The following EVPL variants were observed in gnomAD, a reference collection of about 807,000 sequenced individuals.
The protein encoded by EVPL is 210 kDa cornified envelope precursor protein.
EVPL carries 94 observed loss-of-function variants against 129.7 expected under a neutral mutation model. The observed-to-expected ratio is 0.72, with a 90% CI of 0.61 to 0.86. The LOEUF (loss-of-function observed/expected upper bound fraction) is 0.86, where lower values mean the gene tolerates loss of function less well. Among genes scored for constraint, EVPL ranks in the 40% least tolerant of loss-of-function variants. The pLI is 0.00. For synonymous variants in EVPL, 1,172 were observed against 1,191.1 expected, an observed-to-expected ratio of 0.98 and a Z score of 0.33; for missense variants, 2,625 against 2,721.1, an observed-to-expected ratio of 0.96 and a Z score of 0.79.
Position 76,023,599 on chromosome 17 carries a change from C to T in EVPL, c.254G>A (p.Arg85His), listed in dbSNP as rs78044548. Residue 85 changes from arginine to histidine, a missense_variant, in exon 3 of 22, where the codon CGC becomes CAC. By Grantham distance (29) the Arg-to-His change is conservative. This residue lies in a region of EVPL where 139 missense variants were observed against 186.8 expected (regional missense o/e 0.74). Coordinates refer to ENST00000301607, the MANE Select transcript of EVPL (RefSeq NM_001988.4). ...QALQHQQETGRSLKEAEVLLK... is the reference protein window; with the variant it reads ...QALQHQQETGHSLKEAEVLLK... The stretch of plus-strand genomic sequence containing the variant: ...CAGCACCTCAGCCTCCTTCAGGCTG[C>T]GGCCCGTCTCCTGCTGGTGCTGCAG... 0.061 allele frequency: 98,694 copies of T among 1,610,430 alleles called. 3,199 individuals are homozygous for T. The highest frequency in any genetic ancestry group is 0.067 in the Non-Finnish European group (78,740 of 1,178,950).
chr17:76,008,320 G>T lies in EVPL; in HGVS notation c.4885C>A (p.Gln1629Lys). The change falls in exon 22 of 22, where the codon CAG becomes AAG. Residue 1629 changes from glutamine to lysine, a missense_variant. Physicochemically the swap from Gln to Lys is moderately conservative, Grantham distance 53. Transcript: ENST00000301607. This position sits in a 1 kb window ranked among gnomAD's most constrained non-coding sequence, Gnocchi z 7.4. ...TCCTGGCCCCGCTGGGCCGCCTTCT[G>T]TCGCTCGCTCTCCGTCTTCTGGCTG... ...LLSQKTESER[Q>K]KAAQRGQELS... 6.2e-7 allele frequency: 1 copy of T among 1,607,612 alleles called. No homozygotes were observed.
chr17:76,009,396 A>T lies in EVPL; in HGVS notation c.3809T>A (p.Ile1270Asn), dbSNP rs753904773. The T allele has an allele frequency of 6.2e-7, 1 of 1,613,894 alleles. No individual in the cohort carries two copies. Among genetic ancestry groups the T allele is most frequent in the Admixed American group, 1.7e-5 (1 of 60,006 alleles). ...GTTGAGCTGAGCCTTCAGGCGGTCG[A>T]TCTCACGCAGCACCTCGGGGCTCCT... ...HERSPEVLRE[I>N]DRLKAQLNEL... is the part of the protein sequence containing the mutation. The change falls in exon 22 of 22, where the codon ATC (isoleucine) becomes AAC (asparagine). Residue 1270 changes from isoleucine to asparagine, a missense_variant. Transcript: ENST00000301607. The surrounding 1 kb of genome is among the most constrained non-coding windows in gnomAD (Gnocchi z 5.9).
At chr17:76,021,601 C>A (rs1200995872) in intron 8 of EVPL, 38 bp from the exon 9 acceptor site, 5 of 1,448,936 alleles carry the variant, frequency 3.5e-6, no homozygotes, top group Non-Finnish European at 3.6e-6. Flanking sequence ...ACCACGCCCC[C>A]CCCACGTCCG....
chr17:76,017,590 G>T, intron 14 of EVPL, 149 bp downstream of exon 14: 1 of 1,121,174 alleles, frequency 8.9e-7, no homozygotes, highest in Non-Finnish European at 1.2e-6. Flanking sequence ...GCCAGGAGGG[G>T]AACCAGCTTG....
rs1226337764 is a variant in EVPL, at chr17:76,009,885, T to C, written c.3320A>G (p.Lys1107Arg). The C allele has an allele frequency of 9.9e-6, 16 of 1,613,972 alleles. No homozygotes were observed. Among genetic ancestry groups the C allele is most frequent in the Non-Finnish European group, 1.4e-5 (16 of 1,180,028 alleles). The change falls in exon 22 of 22, where the codon AAG (lysine) becomes AGG (arginine). Residue 1107 changes from lysine (K) to arginine (R), a missense_variant. By Grantham distance (26) the Lys-to-Arg change is conservative. Transcript: ENST00000301607. The surrounding 1 kb of genome is among the most constrained non-coding windows in gnomAD (Gnocchi z 5.9). ...LQMEEDAARR[K>R]QAEEAVAKLQ... is the part of the protein sequence containing the mutation. ...CTTGGCCACAGCCTCCTCCGCCTGC[T>C]TCCTCCGCGCAGCATCCTCCTCCAT...
In EVPL at chr17:76,014,528, GTTC is replaced by G. The variant is rs774387295; in HGVS notation, c.2268_2270del (p.Lys756del). The G allele has an allele frequency of 3.2e-5, 51 of 1,612,074 alleles. No individual in the cohort carries two copies. Among genetic ancestry groups the G allele is most frequent in the Non-Finnish European group, 5.1e-6 (6 of 1,179,644 alleles). ...GCCAGGAGCTCAGGTTATCCTTGCAGTTCTTGAACTGCTGGTAGGTGAGGGCGG... is the reference window on the plus strand; with the variant it reads ...GCCAGGAGCTCAGGTTATCCTTGCAGTTGAACTGCTGGTAGGTGAGGGCGG... On this transcript the variant is annotated inframe_deletion, in exon 18 of 22. Coordinates refer to ENST00000301607, the MANE Select transcript of EVPL (RefSeq NM_001988.4).
chr17:76,023,406 C>G lies in EVPL; in HGVS notation c.366G>C (p.Leu122=), dbSNP rs768228452. The change falls in exon 4 of 22, where the codon CTG becomes CTC. Residue 122 remains leucine (L), a synonymous_variant. Coordinates refer to ENST00000301607, the MANE Select transcript of EVPL (RefSeq NM_001988.4). ...CACACTCCTGGGTCACCCGCTCGTG[C>G]AGCTGCTTGATGCTGTCAAGAAGGT... The part of the protein sequence containing the change: ...AEEIEKDIKQ[L]HERVTQECAE... 6.2e-7 allele frequency: 1 copy of G among 1,613,878 alleles called. No individual in the cohort carries two copies. Among genetic ancestry groups the G allele is most frequent in the South Asian group, 1.1e-5 (1 of 91,070 alleles).
In EVPL at chr17:76,007,325, G is replaced by A. The variant is rs373369065; in HGVS notation, c.5880C>T (p.Leu1960=). The A allele has an allele frequency of 5.1e-6, 8 of 1,563,708 alleles. No individual in the cohort carries two copies. The African/African-American group carries it at 1.1e-4, about 21-fold the overall frequency. The change falls in exon 22 of 22, where the codon CTC becomes CTT. Residue 1960 remains leucine, a synonymous_variant. Transcript: ENST00000301607. This position sits in a 1 kb window ranked among gnomAD's most constrained non-coding sequence, Gnocchi z 8.8. The part of the protein sequence containing the change: ...TGRIPIQQAL[L]SGMISEELAQ... ...CCAGCTCTTCACTGATCATCCCGGA[G>A]AGGAGGGCCTGCTGGATGGGGATGC...
Position 76,008,095 on chromosome 17 carries a change from TGTAGGCCTC to T in EVPL, c.5101_5109del (p.Glu1701_Tyr1703del). On this transcript the variant is annotated inframe_deletion, in exon 22 of 22. Coordinates refer to ENST00000301607, the MANE Select transcript of EVPL (RefSeq NM_001988.4). This position sits in a 1 kb window ranked among gnomAD's most constrained non-coding sequence, Gnocchi z 7.4. The stretch of plus-strand genomic sequence containing the variant: ...TGGCCCCTGTCGATGATGCCCCTCT[TGTAGGCCTC>T]GTATGGGGACATGTCCTTCCCCGTC... 1.9e-6 allele frequency: 3 copies of T among 1,614,034 alleles called. No individual in the cohort carries two copies. Among genetic ancestry groups the T allele is most frequent in the Non-Finnish European group, 2.5e-6 (3 of 1,179,994 alleles).
intron 1 of EVPL, among the ~76,000 whole-genome samples, chr17:76,025,232 G>A (rs543551329): frequency 1.6e-4 from 25 of 152,292 alleles, no homozygotes; most frequent in African/African-American, 5.3e-4. Flanking sequence ...CATCTGAAAC[G>A]TCCAGTGCAG....
intron 21 of EVPL, among the ~76,000 whole-genome samples, 157 bp from the exon 22 acceptor site, chr17:76,010,700 GA>G (rs1336956343): frequency 6.6e-6 from 1 of 152,114 alleles, no homozygotes; most frequent in African/African-American, 2.4e-5. Flanking sequence ...ATAGGATTTT[GA>G]GAAGACCCAG....
In EVPL at chr17:76,013,429, C is replaced by T. The variant is rs76792794; in HGVS notation, c.2373+997G>A. On this transcript the variant is annotated intron_variant, in intron 18 of 21. Transcript: ENST00000301607. This position sits in a 1 kb window ranked among gnomAD's most constrained non-coding sequence, Gnocchi z 4.3. ...TCCCATATGCCTACGTCCACCTCCC[C>T]GCTGCCCTCGGCTGTCCTGGCCACC... Among the ~76,000 whole-genome samples the T allele has an allele frequency of 2.3e-3, 349 of 152,290 alleles. 1 individual carries two copies. The highest frequency in any genetic ancestry group is 8.0e-3 in the African/African-American group (333 of 41,558).
rs747276036 is a variant in EVPL, at chr17:76,008,326, C to T, written c.4879G>A (p.Glu1627Lys). ...CCCCGCTGGGCCGCCTTCTGTCGCT[C>T]GCTCTCCGTCTTCTGGCTGAGCAGC... ...SKLLSQKTES[E>K]RQKAAQRGQE... is the part of the protein sequence containing the mutation. Residue 1627 changes from glutamate (E) to lysine (K), a missense_variant, in exon 22 of 22, where the codon GAG becomes AAG. Around this residue, in one of 4 missense-constraint regions of EVPL, gnomAD observed 1,453 missense variants for 1,511.8 expected, o/e 0.96. Coordinates refer to ENST00000301607, the MANE Select transcript of EVPL (RefSeq NM_001988.4). The surrounding 1 kb of genome is among the most constrained non-coding windows in gnomAD (Gnocchi z 7.4). The T allele has an allele frequency of 5.6e-6, 9 of 1,606,646 alleles. No individual in the cohort carries two copies. The highest frequency in any genetic ancestry group is 5.3e-5 in the African/African-American group (4 of 74,934).
rs371732783 is a variant in EVPL, at chr17:76,024,666, C to T, written c.99-546G>A. Among the ~76,000 whole-genome samples, 74 of 151,778 alleles carry T rather than the reference C, an allele frequency of 4.9e-4. No homozygotes were observed. Among genetic ancestry groups the T allele is most frequent in the African/African-American group, 1.7e-3 (69 of 41,360 alleles). ...GCCATCTAGAGGAGCCTCACACTGT[C>T]GGAGCCGGGGAGGTGGGGCAGGCGC... On this transcript the variant is annotated intron_variant, in intron 1 of 21. Transcript: ENST00000301607. This position sits in a 1 kb window ranked among gnomAD's most constrained non-coding sequence, Gnocchi z 4.5.
At chr17:76,016,871 A>G (rs2144420669) in intron 14 of EVPL, among the ~76,000 whole-genome samples, 1 of 151,790 alleles carries the variant, frequency 6.6e-6, no homozygotes, top group South Asian at 2.1e-4. Flanking sequence ...ATACCATTGC[A>G]CACCACTGCA....
At position 76,010,417 on chromosome 17, in the gene EVPL, G is replaced by A. The variant is rs140919030; in HGVS notation, c.2788C>T (p.Arg930Trp). The A allele has an allele frequency of 1.0e-4, 161 of 1,613,754 alleles. No homozygotes were observed. Among genetic ancestry groups the A allele is most frequent in the Admixed American group, 1.8e-4 (11 of 59,984 alleles). The change falls in exon 22 of 22, where the codon CGG becomes TGG. Residue 930 changes from arginine (R) to tryptophan (W), a missense_variant. Around this residue, in one of 4 missense-constraint regions of EVPL, gnomAD observed 1,453 missense variants for 1,511.8 expected, o/e 0.96. Transcript: ENST00000301607. The part of the protein sequence containing the change: ...QLEEERKRVA[R>W]VQHELEAQRS... ...TGCGCCTCCAGCTCATGCTGCACCC[G>A]GGCCACCCGCTTCCTCTCCTCTTCC... is the stretch of plus-strand genomic sequence containing the variant.
chr17:76,024,039 C>T lies in EVPL; in HGVS notation c.180G>A (p.Thr60=), dbSNP rs143599595. 3.8e-4 allele frequency: 609 copies of T among 1,613,574 alleles called. 1 individual carries two copies. The Middle Eastern group carries it at 6.0e-3, about 16-fold the overall frequency. The change falls in exon 2 of 22, where the codon ACG becomes ACA. Residue 60 remains threonine (T), a synonymous_variant. Transcript: ENST00000301607. The surrounding 1 kb of genome is among the most constrained non-coding windows in gnomAD (Gnocchi z 4.5). ...ADQVERDILE[T]QKRLQQDRLN... ...GCCTCACCTGCTGCAGCCTCTTCTG[C>T]GTCTCCAGGATGTCCCGCTCCACCT...
intron 14 of EVPL, among the ~76,000 whole-genome samples, chr17:76,017,481 A>G (rs531978656): frequency 6.6e-6 from 1 of 152,240 alleles, no homozygotes; most frequent in South Asian, 2.1e-4. Flanking sequence ...TTCCTGAATG[A>G]TCAGGCGAGC....
chr17:76,010,649 G>A (rs2066370277), intron 21 of EVPL, 106 bp from the exon 22 acceptor site: 2 of 1,273,832 alleles, frequency 1.6e-6, no homozygotes, highest in South Asian at 3.1e-5. Context: ...ACTCCCCAGT[G>A]GGTCCTCAGA....
Sources: gnomAD v4.1 joint callset for allele counts (sites outside exome capture counted in the v4.1 genomes callset) on GRCh38, gnomAD v4.1.1 for gene constraint, gnomAD v4.1.1 regional missense constraint, Gnocchi (gnomAD v3.1) non-coding constraint, MANE v1.5 for transcripts, NCBI Gene and HGNC (gene_info 2026-07-23, HGNC 2026-07-21) for gene names.